SBF2: variants seen among roughly 807,000 people sequenced by gnomAD.
SBF2 encodes SET binding factor 2, also known as myotubularin-related protein 13.
In SBF2, 112 loss-of-function variants were observed where a neutral mutation model predicts 225.2. That is an observed-to-expected ratio of 0.50 (90% CI 0.43 to 0.58). The LOEUF is 0.58. Among genes scored for constraint, SBF2 ranks in the 20% least tolerant of loss-of-function variants. SBF2 has a pLI of 0.00. For missense variants in SBF2, 1,996 were observed against 2,206.2 expected, an observed-to-expected ratio of 0.90 and a Z score of 1.91; for synonymous variants, 763 against 773.3, an observed-to-expected ratio of 0.99 and a Z score of 0.22.
At chr11:9,942,730 T>C (rs373350748) in intron 16 of SBF2, among the ~76,000 whole-genome samples, 11 of 151,464 alleles carry the variant, frequency 7.3e-5, no homozygotes, top group African/African-American at 2.2e-4. Flanking sequence ...ACCAGGGAGG[T>C]TGAGGTGAGA....
chr11:9,864,423 G>A (rs1480337709), intron 17 of SBF2, among the ~76,000 whole-genome samples: 1 of 149,000 alleles, frequency 6.7e-6, no homozygotes, highest in Non-Finnish European at 1.5e-5. Flanking sequence ...GTCTCGCCTT[G>A]TGACCCAGGC....
At chr11:10,113,894 T>G (rs533228065) in intron 2 of SBF2, among the ~76,000 whole-genome samples, 1 of 152,156 alleles carries the variant, frequency 6.6e-6, no homozygotes, top group Non-Finnish European at 1.5e-5. Context: ...AAATTTGTAA[T>G]TCTTTGTTCA....
chr11:9,989,459 T>A (rs1947332352), intron 13 of SBF2, 38 bp downstream of exon 13: 1 of 1,275,970 alleles, frequency 7.8e-7, no homozygotes, highest in Non-Finnish European at 1.1e-6. Flanking sequence ...AATAAATAAA[T>A]AAAATTAATG....
intron 17 of SBF2, among the ~76,000 whole-genome samples, chr11:9,885,889 GC>G (rs1007594499): frequency 6.6e-6 from 1 of 152,078 alleles, no homozygotes; most frequent in African/African-American, 2.4e-5. Context: ...CCGTAGCGTT[GC>G]CCCCCAATCT....
intron 25 of SBF2, among the ~76,000 whole-genome samples, chr11:9,841,515 A>C (rs1487996546): frequency 6.9e-6 from 1 of 144,338 alleles, no homozygotes; most frequent in African/African-American, 2.6e-5. Flanking sequence ...GCATACATAC[A>C]TACAAAACCA....
At chr11:9,848,053 G>A (rs976889621) in intron 22 of SBF2, among the ~76,000 whole-genome samples, 1 of 152,020 alleles carries the variant, frequency 6.6e-6, no homozygotes, top group Non-Finnish European at 1.5e-5. Context: ...TAACAGGAGT[G>A]GCAATGAACA....
chr11:10,076,947 G>A (rs1258269564), intron 2 of SBF2, among the ~76,000 whole-genome samples: 1 of 152,138 alleles, frequency 6.6e-6, no homozygotes, highest in Non-Finnish European at 1.5e-5. Context: ...CTTGGGAACA[G>A]GGCCCCTGGG....
At chr11:10,010,411 T>A (rs1948395899) in intron 6 of SBF2, among the ~76,000 whole-genome samples, 1 of 152,230 alleles carries the variant, frequency 6.6e-6, no homozygotes, top group African/African-American at 2.4e-5. Flanking sequence ...AGTTAATTTT[T>A]TTAAAAGGTT....
intron 2 of SBF2, among the ~76,000 whole-genome samples, chr11:10,126,106 C>T (rs544617132): frequency 6.6e-6 from 1 of 152,256 alleles, no homozygotes; most frequent in Admixed American, 6.5e-5. Context: ...TTTTCTCTCT[C>T]AAGTTTCATT....
chr11:10,253,109 G>A (rs1479313604), intron 1 of SBF2, among the ~76,000 whole-genome samples: 1 of 80,430 alleles, frequency 1.2e-5, no homozygotes, highest in Non-Finnish European at 2.8e-5. Context: ...CCACACAAGA[G>A]GTAAATACCA....
At chr11:10,128,842 T>A (rs1953888096) in intron 2 of SBF2, among the ~76,000 whole-genome samples, 1 of 152,196 alleles carries the variant, frequency 6.6e-6, no homozygotes, top group Admixed American at 6.5e-5. Context: ...GGGAAATAAG[T>A]TTGTTTTCTT....
intron 2 of SBF2, among the ~76,000 whole-genome samples, chr11:10,063,103 C>T (rs1204559659): frequency 3.3e-5 from 5 of 151,998 alleles, no homozygotes; most frequent in Non-Finnish European, 1.5e-5. Context: ...AGGCAAATAC[C>T]GCATGTTCTC....
intron 16 of SBF2, among the ~76,000 whole-genome samples, chr11:9,928,399 T>C (rs112479340): frequency 9.9e-5 from 15 of 152,242 alleles, no homozygotes; most frequent in African/African-American, 3.6e-4. Context: ...CCACATGAGA[T>C]ACAACCACAC....
intron 17 of SBF2, among the ~76,000 whole-genome samples, chr11:9,868,826 T>C (rs534409228): frequency 6.6e-6 from 1 of 152,316 alleles, no homozygotes; most frequent in South Asian, 2.1e-4. Flanking sequence ...TCTAGATGCT[T>C]GATCAGACTC....
chr11:9,922,286 A>AG (rs1285829783), intron 16 of SBF2, among the ~76,000 whole-genome samples: 1 of 152,122 alleles, frequency 6.6e-6, no homozygotes, highest in Non-Finnish European at 1.5e-5. Flanking sequence ...AAAGAAAAAA[A>AG]TCAGCATCCA....
At position 10,034,701 on chromosome 11, in the gene SBF2, A is replaced by G. The variant is rs1206413603; in HGVS notation, c.280-3531T>C. On this transcript the variant is annotated intron_variant, in intron 3 of 39. Coordinates refer to ENST00000256190, the MANE Select transcript of SBF2 (RefSeq NM_030962.4). ...ATAAAATTAATTCCACAAGTAAAAA[A>G]TTTTCAGTCCTAAATTTCCTTTCTG... Among the ~76,000 whole-genome samples the G allele has an allele frequency of 2.6e-5, 4 of 152,208 alleles. No individual in the cohort carries two copies. In the South Asian group the frequency reaches 8.3e-4, roughly 32 times the overall value.
intron 1 of SBF2, among the ~76,000 whole-genome samples, chr11:10,304,395 T>C (rs975369060): frequency 1.3e-5 from 2 of 152,220 alleles, no homozygotes; most frequent in African/African-American, 4.8e-5. Flanking sequence ...TGTTTCCAAA[T>C]AGAAATGAAA....
At chr11:10,274,056 T>C (rs1962759285) in intron 1 of SBF2, among the ~76,000 whole-genome samples, 1 of 152,210 alleles carries the variant, frequency 6.6e-6, no homozygotes, top group Non-Finnish European at 1.5e-5. Flanking sequence ...TTTTAACCTT[T>C]AGAAAAGTTT....
intron 1 of SBF2, among the ~76,000 whole-genome samples, chr11:10,249,005 AG>A (rs1960072884): frequency 6.6e-6 from 1 of 152,080 alleles, no homozygotes; most frequent in Non-Finnish European, 1.5e-5. Flanking sequence ...CTGAGGCAGG[AG>A]AATGGCATGA....
Sources: allele counts gnomAD v4.1 joint callset (sites outside exome capture counted in the v4.1 genomes callset), GRCh38; gene constraint gnomAD v4.1.1; transcripts MANE v1.5; gene names NCBI Gene and HGNC (gene_info 2026-07-23, HGNC 2026-07-21).